The following ARHGEF7 variants were observed in gnomAD, a reference collection of about 807,000 sequenced individuals.
The protein encoded by ARHGEF7 is PAK-interacting exchange factor beta.
In ARHGEF7, 33 loss-of-function variants were observed where a neutral mutation model predicts 109.8. The observed-to-expected ratio is 0.30, with a 90% confidence interval of 0.23 to 0.40. The LOEUF is 0.40. Among genes scored for constraint, ARHGEF7 ranks in the 10% least tolerant of loss-of-function variants. ARHGEF7 has a pLI of 1.00. For missense variants in ARHGEF7, 938 were observed against 1,098.5 expected (o/e 0.85, Z 2.07); for synonymous variants, 458 against 424.6 (o/e 1.08, Z -0.97).
chr13:111,217,557 T>C, intron 4 of ARHGEF7, 122 bp from the exon 5 acceptor site: 1 of 950,360 alleles, frequency 1.1e-6, no homozygotes, highest in Admixed American at 2.2e-5. Context: ...CTGAAATTTC[T>C]CTAAATGTAT....
At chr13:111,123,075 T>C (rs927443743) in intron 1 of ARHGEF7, among the ~76,000 whole-genome samples, 1 of 152,166 alleles carries the variant, frequency 6.6e-6, no homozygotes, top group Non-Finnish European at 1.5e-5. Context: ...AAAGTGACCT[T>C]GTAGCGCCTC....
At chr13:111,276,184 A>G (rs1207320459) in intron 12 of ARHGEF7, among the ~76,000 whole-genome samples, 1 of 152,218 alleles carries the variant, frequency 6.6e-6, no homozygotes, top group African/African-American at 2.4e-5. Context: ...ACCCACCCAC[A>G]CAGTGAAAAT....
intron 13 of ARHGEF7, among the ~76,000 whole-genome samples, chr13:111,278,202 G>A (rs1438780743): frequency 6.6e-6 from 1 of 152,222 alleles, no homozygotes; most frequent in Non-Finnish European, 1.5e-5. Flanking sequence ...TTGGGAAGGA[G>A]GTGCAAGGGT....
intron 8 of ARHGEF7, among the ~76,000 whole-genome samples, chr13:111,259,536 A>G (rs1306802490): frequency 6.6e-6 from 1 of 152,240 alleles, no homozygotes; most frequent in Admixed American, 6.5e-5. Context: ...GAGTCACAGC[A>G]TTACTGCGTG....
chr13:111,278,652 A>G (rs1183755211), intron 13 of ARHGEF7, among the ~76,000 whole-genome samples: 1 of 152,198 alleles, frequency 6.6e-6, no homozygotes, highest in Non-Finnish European at 1.5e-5. Flanking sequence ...AAGAGAGGTG[A>G]TCTGTGGCTA....
chr13:111,155,366 G>A (rs978408768), intron 2 of ARHGEF7, among the ~76,000 whole-genome samples: 29 of 152,334 alleles, frequency 1.9e-4, no homozygotes, highest in African/African-American at 5.8e-4. Flanking sequence ...TAGACATGTA[G>A]GAATTCATAG....
At position 111,131,985 on chromosome 13, in the gene ARHGEF7, G is replaced by A. The variant is rs2074778752; in HGVS notation, c.165+16294G>A. Among the ~76,000 whole-genome samples, 3 of 152,184 alleles carry A rather than the reference G, an allele frequency of 2.0e-5. No homozygotes were observed. The South Asian group carries it at 6.2e-4, about 32-fold the overall frequency. Reference sequence around the variant, plus strand: ...GAGGGGGTGGACCGTGAGCCCTGTGGAAACCCACCCATGGAGGGGTGCATG... The same window carrying A: ...GAGGGGGTGGACCGTGAGCCCTGTGAAAACCCACCCATGGAGGGGTGCATG... On this transcript the variant is annotated intron_variant, in intron 1 of 21. Transcript: ENST00000646102. The surrounding 1 kb of genome is among the most constrained non-coding windows in gnomAD (Gnocchi z 4.4).
chr13:111,219,788 G>A (rs1001837907), intron 5 of ARHGEF7, among the ~76,000 whole-genome samples: 1 of 152,074 alleles, frequency 6.6e-6, no homozygotes, highest in Non-Finnish European at 1.5e-5. Flanking sequence ...CCGGCTGCTT[G>A]TTATGTTCCA....
intron 2 of ARHGEF7, among the ~76,000 whole-genome samples, chr13:111,189,801 T>C (rs1594490686): frequency 6.6e-6 from 1 of 152,200 alleles, no homozygotes; most frequent in African/African-American, 2.4e-5. Context: ...TTGATGCATT[T>C]TTACAGAGTG....
chr13:111,172,845 A>G (rs546431983), intron 2 of ARHGEF7, among the ~76,000 whole-genome samples: 2 of 152,316 alleles, frequency 1.3e-5, no homozygotes, highest in Admixed American at 6.5e-5. Context: ...AACTAGGCAT[A>G]GCTGTTTTCT....
chr13:111,171,579 A>G (rs952593230), intron 2 of ARHGEF7, among the ~76,000 whole-genome samples: 4 of 152,318 alleles, frequency 2.6e-5, no homozygotes, highest in East Asian at 3.9e-4. Flanking sequence ...TATGTGTTCA[A>G]TTTGCATGAG....
chr13:111,167,008 C>T (rs1212125852), intron 2 of ARHGEF7, among the ~76,000 whole-genome samples: 1 of 152,046 alleles, frequency 6.6e-6, no homozygotes, highest in Non-Finnish European at 1.5e-5. Flanking sequence ...AGATGTTAGT[C>T]CCAGAACATT....
chr13:111,267,000 C>A lies in ARHGEF7; in HGVS notation c.951-548C>A. 1 of 434,114 alleles carries A rather than the reference C, an allele frequency of 2.3e-6. No individual in the cohort carries two copies. Among genetic ancestry groups the A allele is most frequent in the Non-Finnish European group, 4.7e-6 (1 of 212,070 alleles). The allele number at this position is 434,114 out of a possible 1,614,324, so 26.9% of individuals were successfully genotyped here. A position where few individuals can be genotyped will look rare whatever the true frequency, so the allele number is the denominator to read the frequency against. The stretch of plus-strand genomic sequence containing the variant: ...CCTCATGCAGCTTCCAGTGCTGGTT[C>A]TGGTAGTCTCTTCCTCATTCTTTTT... On this transcript the variant is annotated intron_variant, in intron 8 of 21. Coordinates refer to ENST00000646102, the MANE Select transcript of ARHGEF7 (RefSeq NM_001354046.2). The surrounding 1 kb of genome is among the most constrained non-coding windows in gnomAD (Gnocchi z 4.8).
At chr13:111,129,013 A>G (rs933626741) in intron 1 of ARHGEF7, among the ~76,000 whole-genome samples, 1 of 152,238 alleles carries the variant, frequency 6.6e-6, no homozygotes, top group Non-Finnish European at 1.5e-5. Context: ...CAATAAAGAT[A>G]GAGAAATAGA....
At position 111,202,601 on chromosome 13, in the gene ARHGEF7, C is replaced by G. The variant is rs1594664614; in HGVS notation, c.253-2688C>G. On this transcript the variant is annotated intron_variant, in intron 2 of 21. Transcript: ENST00000646102. ...ATGGTGGGGAATGAATGAATCCCGTCTAAGACACTTGTTTTAATAACCCTA... is the reference window on the plus strand; with the variant it reads ...ATGGTGGGGAATGAATGAATCCCGTGTAAGACACTTGTTTTAATAACCCTA... Among the ~76,000 whole-genome samples, 4 of 152,324 alleles carry G rather than the reference C, an allele frequency of 2.6e-5. No individual in the cohort carries two copies. The East Asian group carries it at 5.8e-4, about 22-fold the overall frequency.
At chr13:111,227,914 C>T (rs2085435719) in intron 5 of ARHGEF7, among the ~76,000 whole-genome samples, 2 of 152,228 alleles carry the variant, frequency 1.3e-5, no homozygotes, top group African/African-American at 4.8e-5. Flanking sequence ...CTTCCTGTTG[C>T]ATTGTCAAGG....
intron 6 of ARHGEF7, 138 bp downstream of exon 6, chr13:111,233,431 C>T: frequency 2.9e-6 from 2 of 696,904 alleles, no homozygotes; most frequent in Non-Finnish European, 2.5e-6. Context: ...AATGTAACCA[C>T]CATTAAGGTT....
At chr13:111,135,812 G>A (rs1299633139) in intron 1 of ARHGEF7, among the ~76,000 whole-genome samples, 2 of 152,142 alleles carry the variant, frequency 1.3e-5, no homozygotes, top group Non-Finnish European at 2.9e-5. Context: ...GATTGCCCTG[G>A]CTAGAACTTC....
intron 1 of ARHGEF7, chr13:111,153,665 C>T: frequency 4.8e-6 from 6 of 1,237,428 alleles, no homozygotes; most frequent in Non-Finnish European, 6.1e-6. Flanking sequence ...CGCCGGGGCT[C>T]ACTTCCTGGT....
Sources: allele counts gnomAD v4.1 joint callset (sites outside exome capture counted in the v4.1 genomes callset), GRCh38; gene constraint gnomAD v4.1.1; non-coding constraint Gnocchi (gnomAD v3.1); transcripts MANE v1.5; gene names NCBI Gene and HGNC (gene_info 2026-07-23, HGNC 2026-07-21).